NRXN3: variants seen among roughly 807,000 people sequenced by gnomAD.
NRXN3 encodes the protein neurexin III.
A neutral mutation model predicts 137.6 loss-of-function variants in NRXN3; 32 were observed. The observed-to-expected ratio is 0.23, with a 90% confidence interval of 0.18 to 0.31. NRXN3 has a LOEUF of 0.31. NRXN3 is among the 10% of genes least tolerant of loss of function. The pLI, the probability that NRXN3 is intolerant of heterozygous loss-of-function variation, is 1.00. For missense variants in NRXN3, 1,574 were observed against 2,062.5 expected (o/e 0.76, Z 4.59); for synonymous variants, 798 against 784.5 (o/e 1.02, Z -0.29).
intron 10 of NRXN3, among the ~76,000 whole-genome samples, chr14:78,847,904 A>G (rs759723879): frequency 9.2e-5 from 14 of 152,126 alleles, no homozygotes; most frequent in Admixed American, 9.2e-4. Flanking sequence ...TAAAACTGTC[A>G]GAGGATTTAG....
chr14:78,984,364 G>C lies in NRXN3; in HGVS notation c.3143-3658G>C, dbSNP rs2099497533. Among the ~76,000 whole-genome samples the C allele has an allele frequency of 1.3e-5, 2 of 152,122 alleles. 1 individual carries two copies. The highest frequency in any genetic ancestry group is 4.1e-4 in the South Asian group (2 of 4,820). ...ACAACTATTATCTTTCAATTTAAAA[G>C]AAATTAATTTAATTACAGTCCACGT... is the stretch of plus-strand genomic sequence containing the variant. On this transcript the variant is annotated intron_variant, in intron 14 of 20. Transcript: ENST00000335750.
intron 15 of NRXN3, among the ~76,000 whole-genome samples, chr14:79,048,344 A>G (rs937028686): frequency 6.6e-6 from 1 of 152,176 alleles, no homozygotes. Context: ...TCAGGGGTAC[A>G]TTGATTTGTT....
intron 15 of NRXN3, among the ~76,000 whole-genome samples, chr14:79,368,284 G>A (rs2093971700): frequency 6.6e-6 from 1 of 152,160 alleles, no homozygotes; most frequent in Admixed American, 6.5e-5. Context: ...TAAGAGGATT[G>A]GGGCAGACTA....
rs1162153685 is a variant in NRXN3, at chr14:79,617,917, C to CAAAAAAAAAAAAAAAAAAAAAAAAA, written c.3445-45846_3445-45845insAAAAAAAAAAAAAAAAAAAAAAAAA. Among the ~76,000 whole-genome samples the CAAAAAAAAAAAAAAAAAAAAAAAAA allele has an allele frequency of 8.3e-4, 76 of 91,282 alleles. 4 individuals carry two copies. Among genetic ancestry groups the CAAAAAAAAAAAAAAAAAAAAAAAAA allele is most frequent in the East Asian group, 4.1e-3 (12 of 2,892 alleles). The allele number at this position is 91,282 out of a possible 152,430, so 59.9% of individuals were successfully genotyped here. On this transcript the variant is annotated intron_variant, in intron 16 of 20. Transcript: ENST00000335750. Reference sequence around the variant, plus strand: ...TTCAGAGATAGGAGCTGAATAGCAGCAAAAAAAAAAAAAAACATGCTTATG... The same window carrying CAAAAAAAAAAAAAAAAAAAAAAAAA: ...TTCAGAGATAGGAGCTGAATAGCAGCAAAAAAAAAAAAAAAAAAAAAAAAAAAAAAAAAAAAAAAACATGCTTATG...
At chr14:78,588,609 T>C (rs539201619) in intron 4 of NRXN3, among the ~76,000 whole-genome samples, 6 of 152,338 alleles carry the variant, frequency 3.9e-5, no homozygotes, top group Admixed American at 1.3e-4. Context: ...GATGCAACAC[T>C]ATAAATCAGT....
chr14:78,272,201 T>C (rs1468251968), intron 2 of NRXN3, among the ~76,000 whole-genome samples: 2 of 152,186 alleles, frequency 1.3e-5, no homozygotes, highest in Non-Finnish European at 1.5e-5. Context: ...CCAGCCTCCC[T>C]TCTCTCTTTG....
intron 15 of NRXN3, among the ~76,000 whole-genome samples, chr14:79,169,588 A>G (rs1273197033): frequency 6.6e-6 from 1 of 152,008 alleles, no homozygotes; most frequent in Non-Finnish European, 1.5e-5. Flanking sequence ...GCCCTGCTTC[A>G]TTTCAACTTA....
intron 1 of NRXN3, among the ~76,000 whole-genome samples, chr14:78,195,211 A>T (rs993892901): frequency 1.3e-5 from 2 of 152,236 alleles, no homozygotes; most frequent in South Asian, 4.1e-4. Flanking sequence ...AGAGGCCAGT[A>T]TGAACCAGGC....
At chr14:79,594,991 A>G (rs1296796009) in intron 16 of NRXN3, among the ~76,000 whole-genome samples, 3 of 152,206 alleles carry the variant, frequency 2.0e-5, no homozygotes, top group Non-Finnish European at 2.9e-5. Context: ...ACTTGAATCA[A>G]TTTTTGGTTT....
intron 15 of NRXN3, among the ~76,000 whole-genome samples, chr14:79,143,639 C>G (rs1242629495): frequency 6.6e-6 from 1 of 152,206 alleles, no homozygotes. Context: ...TAAATATGAT[C>G]TGGCTGATTG....
chr14:78,620,457 T>C (rs1333773979), intron 4 of NRXN3, among the ~76,000 whole-genome samples: 1 of 152,122 alleles, frequency 6.6e-6, no homozygotes, highest in African/African-American at 2.4e-5. Flanking sequence ...AGCTAGCAAA[T>C]GAATGCCTTT....
chr14:78,182,935 C>G (rs1471660676), intron 1 of NRXN3, among the ~76,000 whole-genome samples: 3 of 152,200 alleles, frequency 2.0e-5, no homozygotes, highest in Non-Finnish European at 4.4e-5. Context: ...CCTCTTGTCT[C>G]TGGGCTTCTG....
At chr14:78,840,849 T>C (rs1422418296) in intron 10 of NRXN3, among the ~76,000 whole-genome samples, 1 of 152,212 alleles carries the variant, frequency 6.6e-6, no homozygotes, top group African/African-American at 2.4e-5. Context: ...GCCACAGTAA[T>C]CAGTCAATCT....
chr14:78,555,733 G>A (rs1031424551), intron 4 of NRXN3, among the ~76,000 whole-genome samples: 6 of 152,184 alleles, frequency 3.9e-5, no homozygotes, highest in Non-Finnish European at 7.3e-5. Context: ...AACTCAAAAT[G>A]AAGTAACAGT....
At chr14:79,666,956 G>A (rs1197210952) in intron 17 of NRXN3, among the ~76,000 whole-genome samples, 1 of 151,896 alleles carries the variant, frequency 6.6e-6, no homozygotes, top group African/African-American at 2.4e-5. Context: ...ATACTAGATC[G>A]AGGTTTATGT....
At chr14:78,706,713 G>A (rs1247256117) in intron 6 of NRXN3, among the ~76,000 whole-genome samples, 1 of 152,170 alleles carries the variant, frequency 6.6e-6, no homozygotes, top group African/African-American at 2.4e-5. Context: ...GGTGGTAGGT[G>A]CTTAATAAGT....
intron 16 of NRXN3, chr14:79,661,775 T>C (rs1283455299): frequency 2.1e-5 from 3 of 145,294 alleles, no homozygotes; most frequent in Non-Finnish European, 4.5e-5. Flanking sequence ...CTCTTCCTTT[T>C]ACTTCTTCTT....
At chr14:79,384,474 A>C (rs886330739) in intron 15 of NRXN3, among the ~76,000 whole-genome samples, 8 of 152,156 alleles carry the variant, frequency 5.3e-5, no homozygotes, top group African/African-American at 1.7e-4. Context: ...TTGAATTAGG[A>C]AATACAGAAA....
chr14:79,083,778 A>C (rs1050056279), intron 15 of NRXN3, among the ~76,000 whole-genome samples: 3 of 152,250 alleles, frequency 2.0e-5, no homozygotes, highest in African/African-American at 4.8e-5. Flanking sequence ...AAAAGTCATC[A>C]GGGGTTTTAC....
Sources: allele counts gnomAD v4.1 joint callset (sites outside exome capture counted in the v4.1 genomes callset), GRCh38; gene constraint gnomAD v4.1.1; transcripts MANE v1.5; gene names NCBI Gene and HGNC (gene_info 2026-07-23, HGNC 2026-07-21).